Variants in GALNT13 observed in about 807,000 individuals in gnomAD.
The protein encoded by GALNT13 is polypeptide N-acetylgalactosaminyltransferase 13.
GALNT13 carries 28 observed loss-of-function variants against 64.2 expected under a neutral mutation model. The ratio of observed to expected loss-of-function variants is 0.44; its 90% CI spans 0.32 to 0.60. The LOEUF is 0.60. Ranked by LOEUF, GALNT13 falls within the 20% of genes least tolerant of loss-of-function variation. The pLI, the probability that GALNT13 is intolerant of heterozygous loss-of-function variation, is 0.05. For synonymous variants in GALNT13, 214 were observed against 224.6 expected (o/e 0.95, Z 0.42); for missense variants, 577 against 669.8 (o/e 0.86, Z 1.53).
intron 8 of GALNT13, among the ~76,000 whole-genome samples, chr2:154,290,891 C>T (rs1225084531): frequency 6.6e-6 from 1 of 151,612 alleles, no homozygotes; most frequent in Non-Finnish European, 1.5e-5. Context: ...TTAAAGGTGG[C>T]GCGTCTGGAG....
intron 9 of GALNT13, among the ~76,000 whole-genome samples, chr2:154,366,310 A>G (rs909565135): frequency 2.0e-5 from 3 of 152,198 alleles, no homozygotes; most frequent in Non-Finnish European, 4.4e-5. Context: ...TATAGTTTAG[A>G]AAATATAATG....
chr2:153,767,793 GTTT>G, the GALNT13 span, among the ~76,000 whole-genome samples: 26 of 145,276 alleles, frequency 1.8e-4, no homozygotes, highest in Admixed American at 1.2e-3. Flanking sequence ...ACTTTTTAAT[GTTT>G]TTTTTTTTTC....
chr2:153,420,459 G>T, the GALNT13 span, among the ~76,000 whole-genome samples: 2 of 152,112 alleles, frequency 1.3e-5, no homozygotes, highest in Admixed American at 6.6e-5. Context: ...TAGCAAATAT[G>T]ATCTCCATGT....
At chr2:153,843,362 G>A in the GALNT13 span, among the ~76,000 whole-genome samples, 13 of 152,312 alleles carry the variant, frequency 8.5e-5, no homozygotes, top group African/African-American at 2.9e-4. Flanking sequence ...CGGATGTTGT[G>A]TGAACTCAGG....
the GALNT13 span, among the ~76,000 whole-genome samples, chr2:153,851,966 A>G: frequency 1.3e-5 from 2 of 152,186 alleles, no homozygotes; most frequent in Non-Finnish European, 2.9e-5. Flanking sequence ...GAATTGGTAT[A>G]ATATTATTTG....
intron 9 of GALNT13, among the ~76,000 whole-genome samples, chr2:154,346,169 G>GAT (rs370337134): frequency 1.1e-3 from 165 of 151,456 alleles, no homozygotes; most frequent in East Asian, 2.9e-3. Context: ...AAAGGGAAAT[G>GAT]ATATATATAT....
intron 9 of GALNT13, among the ~76,000 whole-genome samples, chr2:154,327,335 A>G (rs1363125985): frequency 6.6e-6 from 1 of 152,056 alleles, no homozygotes; most frequent in Non-Finnish European, 1.5e-5. Flanking sequence ...AGTCTCAGGT[A>G]GTTATTTATA....
chr2:153,411,140 G>A, the GALNT13 span, among the ~76,000 whole-genome samples: 1 of 149,504 alleles, frequency 6.7e-6, no homozygotes, highest in Non-Finnish European at 1.5e-5. Flanking sequence ...ACAAGCGTGA[G>A]CCACTGTACA....
intron 9 of GALNT13, among the ~76,000 whole-genome samples, chr2:154,339,251 CATT>C (rs138962649): frequency 1.1e-3 from 172 of 152,202 alleles, no homozygotes; most frequent in African/African-American, 3.7e-3. Flanking sequence ...GTATATCTAT[CATT>C]ATCTTCTGTC....
the GALNT13 span, among the ~76,000 whole-genome samples, chr2:153,644,449 G>A: frequency 1.3e-5 from 2 of 151,964 alleles, no homozygotes; most frequent in Admixed American, 6.6e-5. Flanking sequence ...AAGATCATCA[G>A]ACCAGTTCAG....
At chr2:153,292,727 G>T in the GALNT13 span, among the ~76,000 whole-genome samples, 1 of 152,034 alleles carries the variant, frequency 6.6e-6, no homozygotes, top group African/African-American at 2.4e-5. Context: ...ACCAGGGCTT[G>T]GGCAGTTCAT....
intron 3 of GALNT13, among the ~76,000 whole-genome samples, chr2:154,102,044 A>G (rs997024738): frequency 6.6e-6 from 1 of 152,160 alleles, no homozygotes; most frequent in African/African-American, 2.4e-5. Flanking sequence ...ATTTACCAAG[A>G]CTTGCTTTAT....
chr2:154,146,615 TCTA>T (rs1683617517), intron 4 of GALNT13, among the ~76,000 whole-genome samples: 3 of 152,054 alleles, frequency 2.0e-5, no homozygotes, highest in Admixed American at 1.3e-4. Flanking sequence ...AGGAAACCTC[TCTA>T]CTCTTCCCCA....
intron 10 of GALNT13, among the ~76,000 whole-genome samples, chr2:154,401,912 A>G (rs1018025838): frequency 2.0e-5 from 3 of 152,178 alleles, no homozygotes; most frequent in African/African-American, 2.4e-5. Context: ...TTGTTTCAGT[A>G]TACAGATTTT....
At chr2:153,282,655 G>A in the GALNT13 span, among the ~76,000 whole-genome samples, 1 of 152,076 alleles carries the variant, frequency 6.6e-6, no homozygotes, top group Non-Finnish European at 1.5e-5. Flanking sequence ...GGCTCAAGCA[G>A]TTTGCCTACC....
intron 4 of GALNT13, among the ~76,000 whole-genome samples, chr2:154,143,978 A>G (rs1289756394): frequency 6.6e-6 from 1 of 152,132 alleles, no homozygotes; most frequent in African/African-American, 2.4e-5. Context: ...ACTGTGGAGC[A>G]ATCCAACATT....
the GALNT13 span, among the ~76,000 whole-genome samples, chr2:153,218,831 A>G: frequency 6.6e-6 from 1 of 152,194 alleles, no homozygotes; most frequent in African/African-American, 2.4e-5. Flanking sequence ...GCCCTTGGTA[A>G]GAAAGTGGTC....
At chr2:153,488,712 A>G in the GALNT13 span, among the ~76,000 whole-genome samples, 1 of 152,212 alleles carries the variant, frequency 6.6e-6, no homozygotes, top group African/African-American at 2.4e-5. Context: ...GACTCAGACA[A>G]TTGAAAACTC....
the GALNT13 span, among the ~76,000 whole-genome samples, chr2:153,611,345 G>GC: frequency 8.6e-5 from 13 of 151,920 alleles, no homozygotes; most frequent in South Asian, 2.1e-4. Flanking sequence ...CCAGGCCCCT[G>GC]CCCCCCCGTC....
Sources: gnomAD v4.1 joint callset for allele counts (sites outside exome capture counted in the v4.1 genomes callset) on GRCh38, gnomAD v4.1.1 for gene constraint, MANE v1.5 for transcripts, NCBI Gene and HGNC (gene_info 2026-07-23, HGNC 2026-07-21) for gene names.